CERT1: variants seen among roughly 807,000 people sequenced by gnomAD.
CERT1 encodes ceramide transporter 1, also known as ceramide transfer protein.
Under a neutral mutation model 87.9 loss-of-function variants are expected in CERT1, and 31 were observed. The ratio of observed to expected loss-of-function variants is 0.35; its 90% CI spans 0.27 to 0.48. The LOEUF is 0.48. Ranked by LOEUF, CERT1 falls within the 20% of genes least tolerant of loss-of-function variation. The pLI, the probability that CERT1 is intolerant of heterozygous loss-of-function variation, is 0.99. For missense variants in CERT1, 487 were observed against 758.0 expected, an observed-to-expected ratio of 0.64 and a Z score of 4.20; for synonymous variants, 289 against 250.9, an observed-to-expected ratio of 1.15 and a Z score of -1.44.
chr5:75,442,297 T>C (rs1471225849), intron 3 of CERT1, among the ~76,000 whole-genome samples: 4 of 152,192 alleles, frequency 2.6e-5, no homozygotes, highest in South Asian at 2.1e-4. Flanking sequence ...TCTCAGCTCA[T>C]TGCAACCTCT....
intron 3 of CERT1, among the ~76,000 whole-genome samples, chr5:75,428,867 C>T (rs1763743086): frequency 6.6e-6 from 1 of 151,996 alleles, no homozygotes; most frequent in African/African-American, 2.4e-5. Flanking sequence ...AAAATCTTCC[C>T]TTGTGTCCTA....
chr5:75,485,257 C>T (rs1314469494), intron 2 of CERT1, among the ~76,000 whole-genome samples: 1 of 121,458 alleles, frequency 8.2e-6, no homozygotes, highest in East Asian at 2.5e-4. Context: ...TGCTTGAAGG[C>T]AAGAGTTCAA....
Position 75,416,864 on chromosome 5 carries a change from AC to A in CERT1, c.837+11del. 1 of 1,573,618 alleles carries A rather than the reference AC, an allele frequency of 6.4e-7. No homozygotes were observed. Among genetic ancestry groups the A allele is most frequent in the South Asian group, 1.2e-5 (1 of 84,682 alleles). ...TGTGATTATTTTTAAAAGGAAAAAA[AC>A]CTAGTCTTACCTTATCCAGTCTCTT... is the stretch of plus-strand genomic sequence containing the variant. On this transcript the variant is annotated intron_variant, in intron 7 of 16. Transcript: ENST00000643780.
At position 75,511,306 on chromosome 5, in the gene CERT1, C is replaced by A; in HGVS notation, c.-99G>T. 4 of 1,554,252 alleles carry A rather than the reference C, an allele frequency of 2.6e-6. No homozygotes were observed. Among genetic ancestry groups the A allele is most frequent in the Non-Finnish European group, 2.6e-6 (3 of 1,149,362 alleles). Reference sequence around the variant, plus strand: ...GGTGAAGGGTCGGGGGATGGCGAAGCGAAGAGTGCCCGCTCCGGTGTGGGG... The same window carrying A: ...GGTGAAGGGTCGGGGGATGGCGAAGAGAAGAGTGCCCGCTCCGGTGTGGGG... On this transcript the variant is annotated 5_prime_UTR_variant, in exon 1 of 17. Transcript: ENST00000643780.
downstream of CERT1, chr5:75,373,107 G>A (rs959784485): frequency 6.6e-6 from 1 of 152,166 alleles, no homozygotes; most frequent in African/African-American, 2.4e-5. Context: ...AATCCTTACC[G>A]CTCTGCTGAA....
At chr5:75,447,474 ATTTT>A (rs377590981) in intron 3 of CERT1, among the ~76,000 whole-genome samples, 1 of 148,920 alleles carries the variant, frequency 6.7e-6, no homozygotes, top group African/African-American at 2.5e-5. Flanking sequence ...TTATTTATTT[ATTTT>A]TTATTTTTTT....
chr5:75,498,570 G>A (rs1252481789), intron 2 of CERT1, among the ~76,000 whole-genome samples: 1 of 152,256 alleles, frequency 6.6e-6, no homozygotes, highest in Non-Finnish European at 1.5e-5. Context: ...GAGGGTGTCA[G>A]CCCCAAGCCT....
chr5:75,421,956 T>C (rs1351119262), intron 5 of CERT1, among the ~76,000 whole-genome samples: 1 of 152,196 alleles, frequency 6.6e-6, no homozygotes, highest in African/African-American at 2.4e-5. Flanking sequence ...AATATTTGTT[T>C]TCCCCTTTCT....
intron 7 of CERT1, 58 bp downstream of exon 7, chr5:75,416,818 A>C (rs1423370201): frequency 7.1e-7 from 1 of 1,418,076 alleles, no homozygotes; most frequent in Non-Finnish European, 9.6e-7. Flanking sequence ...TTAAATATTC[A>C]AACAATACGT....
chr5:75,436,616 G>A (rs2112228718), intron 3 of CERT1, among the ~76,000 whole-genome samples: 1 of 152,024 alleles, frequency 6.6e-6, no homozygotes, highest in Non-Finnish European at 1.5e-5. Flanking sequence ...TATTTCAGAA[G>A]TTACTTAGAT....
chr5:75,407,691 C>G (rs1454354099), intron 8 of CERT1, among the ~76,000 whole-genome samples: 1 of 152,080 alleles, frequency 6.6e-6, no homozygotes, highest in Non-Finnish European at 1.5e-5. Context: ...GAACTTGTCA[C>G]AGGCCAGGTC....
At chr5:75,496,994 CAT>C (rs1767099215) in intron 2 of CERT1, among the ~76,000 whole-genome samples, 1 of 150,274 alleles carries the variant, frequency 6.7e-6, no homozygotes, top group East Asian at 2.0e-4. Flanking sequence ...TAAAAAAAGA[CAT>C]AGAATAAGGA....
chr5:75,420,024 T>C (rs1763303820), intron 5 of CERT1, among the ~76,000 whole-genome samples: 2 of 151,722 alleles, frequency 1.3e-5, no homozygotes, highest in South Asian at 4.2e-4. Flanking sequence ...TCACCCAGGC[T>C]GGAGTGCAAT....
At chr5:75,471,964 C>A (rs1300634251) in intron 2 of CERT1, among the ~76,000 whole-genome samples, 27 of 151,964 alleles carry the variant, frequency 1.8e-4, no homozygotes, top group Admixed American at 1.8e-3. Context: ...CCCAAAGAGC[C>A]AAAGGAATCT....
rs562417363 is a variant in CERT1, at chr5:75,391,590, A to G, written c.1189-1903T>C. Among the ~76,000 whole-genome samples, 3 of 152,366 alleles carry G rather than the reference A, an allele frequency of 2.0e-5. No individual in the cohort carries two copies. In the East Asian group the frequency reaches 5.8e-4, roughly 29 times the overall value. On this transcript the variant is annotated intron_variant, in intron 11 of 16. Coordinates refer to ENST00000643780, the MANE Select transcript of CERT1 (RefSeq NM_001379029.1). ...TTGCATGGAGAACCTGTGCACCTTTATAATTTCAGAATCTGCTTTGGGAGG... is the reference window on the plus strand; with the variant it reads ...TTGCATGGAGAACCTGTGCACCTTTGTAATTTCAGAATCTGCTTTGGGAGG...
intron 4 of CERT1, 99 bp from the exon 5 acceptor site, chr5:75,425,598 TAA>T: frequency 8.9e-7 from 1 of 1,125,622 alleles, no homozygotes; most frequent in Non-Finnish European, 1.3e-6. Context: ...CTGCACCTTA[TAA>T]CTGAGGGCAT....
chr5:75,502,033 GAAAC>G (rs1026536766), intron 2 of CERT1, among the ~76,000 whole-genome samples: 4 of 151,678 alleles, frequency 2.6e-5, no homozygotes, highest in Non-Finnish European at 5.9e-5. Flanking sequence ...AAGCAAAGAA[GAAAC>G]AGACAAGTGA....
chr5:75,453,403 A>G (rs1764839792), intron 3 of CERT1, among the ~76,000 whole-genome samples: 1 of 152,190 alleles, frequency 6.6e-6, no homozygotes, highest in South Asian at 2.1e-4. Flanking sequence ...AATAATATAG[A>G]TATGAGGAAC....
intron 2 of CERT1, among the ~76,000 whole-genome samples, chr5:75,482,727 G>T (rs968420286): frequency 6.6e-6 from 1 of 152,116 alleles, no homozygotes; most frequent in Non-Finnish European, 1.5e-5. Flanking sequence ...AAGAGTTTCC[G>T]CCTGGTAATC....
Sources: allele counts gnomAD v4.1 joint callset (sites outside exome capture counted in the v4.1 genomes callset), GRCh38; gene constraint gnomAD v4.1.1; transcripts MANE v1.5; gene names NCBI Gene and HGNC (gene_info 2026-07-23, HGNC 2026-07-21).